VANGL1: variants seen among roughly 807,000 people sequenced by gnomAD.
VANGL1 encodes VANGL planar cell polarity protein 1, also known as vang-like protein 1.
VANGL1 carries 18 observed loss-of-function variants against 48.4 expected under a neutral mutation model. The observed-to-expected ratio is 0.37, with a 90% confidence interval of 0.26 to 0.55. VANGL1 has a LOEUF of 0.55. Ranked by LOEUF, VANGL1 falls within the 20% of genes least tolerant of loss-of-function variation. The probability of loss-of-function intolerance (pLI) is 0.81; values close to 1 mark genes in which losing one functional copy is unlikely to be tolerated. For synonymous variants in VANGL1, 257 were observed against 261.8 expected (o/e 0.98, Z 0.18); for missense variants, 667 against 675.8 (o/e 0.99, Z 0.14).
At chr1:115,673,594 CTTTTTTTTTTTTTT>C (rs960453479) in intron 4 of VANGL1, among the ~76,000 whole-genome samples, 1 of 108,586 alleles carries the variant, frequency 9.2e-6, no homozygotes, top group Admixed American at 9.7e-5. Flanking sequence ...TGTATGTCCT[CTTTTTTTTTTTTTT>C]TTTTTTTTTG....
intron 2 of VANGL1, among the ~76,000 whole-genome samples, chr1:115,652,166 G>A (rs1250343806): frequency 1.3e-5 from 2 of 152,168 alleles, no homozygotes; most frequent in African/African-American, 4.8e-5. Context: ...GAACTGGTAG[G>A]ATTGTCCTGG....
intron 2 of VANGL1, 105 bp downstream of exon 2, chr1:115,651,589 G>A (rs562165896): frequency 8.4e-5 from 81 of 963,358 alleles, no homozygotes; most frequent in African/African-American, 6.0e-4. Context: ...ACATTTGGTC[G>A]GTTGGTGCAT....
chr1:115,665,195 G>T (rs757361489), intron 4 of VANGL1, among the ~76,000 whole-genome samples: 1 of 152,202 alleles, frequency 6.6e-6, no homozygotes. Context: ...ACTCCCTGAG[G>T]CCAGGGGCCA....
At chr1:115,680,960 G>T (rs1653362386) in intron 4 of VANGL1, among the ~76,000 whole-genome samples, 1 of 152,208 alleles carries the variant, frequency 6.6e-6, no homozygotes, top group South Asian at 2.1e-4. Context: ...AAATATATCT[G>T]TGGTATTTAA....
intron 2 of VANGL1, among the ~76,000 whole-genome samples, chr1:115,655,672 C>T (rs985131362): frequency 1.3e-5 from 2 of 152,198 alleles, no homozygotes; most frequent in African/African-American, 2.4e-5. Flanking sequence ...TAACACCTCT[C>T]CCTGTGGCTT....
At chr1:115,652,452 G>A (rs1652187671) in intron 2 of VANGL1, among the ~76,000 whole-genome samples, 2 of 152,234 alleles carry the variant, frequency 1.3e-5, no homozygotes, top group African/African-American at 2.4e-5. Context: ...CTTGTCATCT[G>A]TAAAATGGGT....
chr1:115,672,456 A>G (rs185422402), intron 4 of VANGL1, among the ~76,000 whole-genome samples: 1 of 152,244 alleles, frequency 6.6e-6, no homozygotes, highest in Non-Finnish European at 1.5e-5. Context: ...GAGCCTTCCC[A>G]TGGGCCTCAG....
chr1:115,664,048 G>A lies in VANGL1; in HGVS notation c.592G>A (p.Val198Ile). The change falls in exon 4 of 8, where the codon GTT becomes ATT. Residue 198 changes from valine to isoleucine, a missense_variant. Transcript: ENST00000355485. ...LLLVLIFLFV[V>I]SYWLFYGVRI... Reference sequence around the variant, plus strand: ...GTTGGTCCTCATCTTTCTCTTTGTGGTTTCCTATTGGCTTTTTTACGGGGT... The same window carrying A: ...GTTGGTCCTCATCTTTCTCTTTGTGATTTCCTATTGGCTTTTTTACGGGGT... The A allele has an allele frequency of 6.2e-7, 1 of 1,614,148 alleles. No individual in the cohort carries two copies. The highest frequency in any genetic ancestry group is 8.5e-7 in the Non-Finnish European group (1 of 1,180,036).
In VANGL1 at chr1:115,663,839, T is replaced by C; in HGVS notation, c.383T>C (p.Ile128Thr). Reference sequence around the variant, plus strand: ...GGACTTCTAGTTTTCCTCACCCCTATTGCCTTCATCCTTTTACCTCCGATC... The same window carrying C: ...GGACTTCTAGTTTTCCTCACCCCTACTGCCTTCATCCTTTTACCTCCGATC... ...FLGLLVFLTP[I>T]AFILLPPILW... Residue 128 changes from isoleucine (I) to threonine (T), a missense_variant, in exon 4 of 8, where the codon ATT becomes ACT. Coordinates refer to ENST00000355485, the MANE Select transcript of VANGL1 (RefSeq NM_138959.3). 6.2e-7 allele frequency: 1 copy of C among 1,614,218 alleles called. No individual in the cohort carries two copies. Among genetic ancestry groups the C allele is most frequent in the Non-Finnish European group, 8.5e-7 (1 of 1,180,026 alleles).
At chr1:115,671,318 G>A (rs1329132990) in intron 4 of VANGL1, 1 of 152,326 alleles carries the variant, frequency 6.6e-6, no homozygotes, top group African/African-American at 2.4e-5. Context: ...GTGTGAAAGT[G>A]GAGGGGCGCG....
In VANGL1 at chr1:115,691,256, G is replaced by A; in HGVS notation, c.1452G>A (p.Lys484=). Residue 484 remains lysine (K), a synonymous_variant, in exon 8 of 8, where the codon AAG becomes AAA. Transcript: ENST00000355485. ...GLRDGIVFVL[K]CLDFSLVVNV... ...GGGATGGAATTGTGTTCGTCCTTAA[G>A]TGCTTGGACTTCAGCCTCGTAGTCA... 1.2e-6 allele frequency: 2 copies of A among 1,614,112 alleles called. No homozygotes were observed. Among genetic ancestry groups the A allele is most frequent in the Non-Finnish European group, 1.7e-6 (2 of 1,180,024 alleles).
chr1:115,674,353 C>T (rs1414199001), intron 4 of VANGL1, among the ~76,000 whole-genome samples: 2 of 152,186 alleles, frequency 1.3e-5, no homozygotes, highest in East Asian at 3.8e-4. Context: ...AGCATAAGCC[C>T]CTTGAAGGTT....
chr1:115,659,393 A>G (rs9428201), intron 2 of VANGL1, among the ~76,000 whole-genome samples: 16,159 of 152,022 alleles, frequency 0.11, 866 homozygotes, highest in East Asian at 0.19. Flanking sequence ...TGATAGAGGA[A>G]GAGTGACAGT....
At chr1:115,644,984 C>G (rs1651863948) in intron 1 of VANGL1, among the ~76,000 whole-genome samples, 4 of 152,202 alleles carry the variant, frequency 2.6e-5, no homozygotes, top group Admixed American at 2.6e-4. Context: ...GGGTTTGTCA[C>G]AAATGCCATA....
rs535300651 is a variant in VANGL1, at chr1:115,692,689, G to C, written c.*1310G>C. ...TTCAGTGGGCTTTCCCCTGGCCCTGGGGGAGCAGACACTGACTGGGTTGTG... is the reference window on the plus strand; with the variant it reads ...TTCAGTGGGCTTTCCCCTGGCCCTGCGGGAGCAGACACTGACTGGGTTGTG... On this transcript the variant is annotated 3_prime_UTR_variant, in exon 8 of 8. Coordinates refer to ENST00000355485, the MANE Select transcript of VANGL1 (RefSeq NM_138959.3). The C allele has an allele frequency of 6.5e-6, 1 of 152,758 alleles. No homozygotes were observed. The highest frequency in any genetic ancestry group is 1.9e-4 in the East Asian group (1 of 5,176). 9.5% of individuals were successfully genotyped at this position (152,758 alleles called of 1,614,324 possible). A position where few individuals can be genotyped will look rare whatever the true frequency, so the allele number is the denominator to read the frequency against.
At chr1:115,659,115 C>A (rs1652451178) in intron 2 of VANGL1, among the ~76,000 whole-genome samples, 2 of 152,112 alleles carry the variant, frequency 1.3e-5, no homozygotes, top group South Asian at 2.1e-4. Context: ...GTAAACAATT[C>A]TTTGTACTGA....
chr1:115,669,564 A>C (rs922347312), intron 4 of VANGL1, among the ~76,000 whole-genome samples: 1 of 152,180 alleles, frequency 6.6e-6, no homozygotes, highest in South Asian at 2.1e-4. Flanking sequence ...GTAGTGAGTA[A>C]GTCTCACAAG....
chr1:115,660,189 T>C (rs770495545), intron 3 of VANGL1, among the ~76,000 whole-genome samples: 22 of 152,174 alleles, frequency 1.4e-4, no homozygotes, highest in Non-Finnish European at 2.5e-4. Flanking sequence ...GGCCGCACGC[T>C]CAGATGCCTG....
intron 2 of VANGL1, among the ~76,000 whole-genome samples, chr1:115,656,279 T>C (rs1652352170): frequency 6.6e-6 from 1 of 152,240 alleles, no homozygotes; most frequent in Non-Finnish European, 1.5e-5. Context: ...ATTACACTCA[T>C]GGCTCCCATT....
Sources: gnomAD v4.1 joint callset for allele counts (sites outside exome capture counted in the v4.1 genomes callset) on GRCh38, gnomAD v4.1.1 for gene constraint, MANE v1.5 for transcripts, NCBI Gene and HGNC (gene_info 2026-07-23, HGNC 2026-07-21) for gene names.